KIF6: variants seen among roughly 807,000 people sequenced by gnomAD.
The protein encoded by KIF6 is kinesin family member 6.
Under a neutral mutation model 112.7 loss-of-function variants are expected in KIF6, and 106 were observed. The observed-to-expected ratio is 0.94, with a 90% CI of 0.80 to 1.11. KIF6 has a LOEUF of 1.11. KIF6 is among the 50% of genes least tolerant of loss of function. KIF6 has a pLI of 0.00. For missense variants in KIF6, 929 were observed against 964.0 expected (o/e 0.96, Z 0.48); for synonymous variants, 339 against 339.9 (o/e 1.00, Z 0.03).
chr6:39,504,045 T>G (rs905338745), intron 13 of KIF6, among the ~76,000 whole-genome samples: 3 of 151,630 alleles, frequency 2.0e-5, no homozygotes, highest in Non-Finnish European at 2.9e-5. Flanking sequence ...CTGGCAGAGA[T>G]ACAACAAAAA....
intron 16 of KIF6, among the ~76,000 whole-genome samples, chr6:39,369,001 C>T (rs1013150502): frequency 6.6e-6 from 1 of 152,196 alleles, no homozygotes; most frequent in Non-Finnish European, 1.5e-5. Flanking sequence ...GATTCATTTG[C>T]TGAATACCCA....
chr6:39,446,592 C>T (rs1331343934), intron 13 of KIF6, among the ~76,000 whole-genome samples: 2 of 152,294 alleles, frequency 1.3e-5, no homozygotes, highest in East Asian at 3.9e-4. Context: ...TTCCCAGGTT[C>T]AAGCAATTCT....
chr6:39,346,413 C>G, intron 20 of KIF6, 63 bp downstream of exon 20: 2 of 716,582 alleles, frequency 2.8e-6, no homozygotes, highest in Non-Finnish European at 2.6e-6. Flanking sequence ...TCCCTTGCCC[C>G]TTCCACCATG....
At chr6:39,720,435 T>C (rs1024429436) in intron 2 of KIF6, among the ~76,000 whole-genome samples, 1 of 151,926 alleles carries the variant, frequency 6.6e-6, no homozygotes, top group African/African-American at 2.4e-5. Context: ...CAAGAGTGGG[T>C]TGAGTAGGAA....
At chr6:39,544,745 T>C in intron 11 of KIF6, 52 bp from the exon 12 acceptor site, 1 of 1,152,336 alleles carries the variant, frequency 8.7e-7, no homozygotes, top group South Asian at 1.6e-5. Flanking sequence ...CAAATTTCTT[T>C]GTTTCTTTGA....
chr6:39,650,081 C>G (rs146548244), intron 3 of KIF6, among the ~76,000 whole-genome samples: 1 of 152,208 alleles, frequency 6.6e-6, no homozygotes, highest in African/African-American at 2.4e-5. Flanking sequence ...CTTCCCAGTT[C>G]TATGATTCTC....
chr6:39,342,631 ATTTTT>A lies in KIF6; in HGVS notation c.2428+1073_2428+1077del, dbSNP rs1562108073. ...TTTTTATTTTTTTTTATTTTTTTTT[ATTTTT>A]AGACAAGGAAACTGAGAATGAGACA... On this transcript the variant is annotated intron_variant, in intron 22 of 22. Coordinates refer to ENST00000287152, the MANE Select transcript of KIF6 (RefSeq NM_145027.6). This position sits in a 1 kb window ranked among gnomAD's most constrained non-coding sequence, Gnocchi z 4.7. Among the ~76,000 whole-genome samples, 2 of 94,160 alleles carry A rather than the reference ATTTTT, an allele frequency of 2.1e-5. No individual in the cohort carries two copies. The highest frequency in any genetic ancestry group is 1.1e-4 in the African/African-American group (2 of 18,936). 61.8% of individuals were successfully genotyped at this position (94,160 alleles called of 152,430 possible). A position where few individuals can be genotyped will look rare whatever the true frequency, so the allele number is the denominator to read the frequency against.
chr6:39,486,917 G>A (rs548673794), intron 13 of KIF6, among the ~76,000 whole-genome samples: 4 of 152,260 alleles, frequency 2.6e-5, no homozygotes, highest in South Asian at 4.1e-4. Flanking sequence ...GCATCAGTAA[G>A]TTGAATTATA....
chr6:39,544,529 T>C, intron 12 of KIF6, 26 bp downstream of exon 12: 2 of 1,602,802 alleles, frequency 1.2e-6, no homozygotes, highest in South Asian at 2.3e-5. Flanking sequence ...ATAGAGGAAG[T>C]TTCTTCATCA....
intron 10 of KIF6, among the ~76,000 whole-genome samples, chr6:39,566,961 C>A (rs936489757): frequency 4.6e-5 from 7 of 151,544 alleles, no homozygotes; most frequent in Non-Finnish European, 7.4e-5. Flanking sequence ...TAAAAATAAC[C>A]AAAAAAAATC....
intron 22 of KIF6, among the ~76,000 whole-genome samples, chr6:39,341,412 T>C (rs1184223687): frequency 6.6e-6 from 1 of 152,158 alleles, no homozygotes; most frequent in Non-Finnish European, 1.5e-5. Flanking sequence ...GGCAGTGCCT[T>C]CTCAGCATCT....
chr6:39,524,377 T>C (rs1290453540), intron 13 of KIF6, among the ~76,000 whole-genome samples: 1 of 152,236 alleles, frequency 6.6e-6, no homozygotes, highest in Non-Finnish European at 1.5e-5. Context: ...TAAAGTTATG[T>C]AATTCAGCTA....
chr6:39,510,799 C>G (rs946489782), intron 13 of KIF6, among the ~76,000 whole-genome samples: 1 of 147,366 alleles, frequency 6.8e-6, no homozygotes, highest in African/African-American at 2.5e-5. Context: ...TTCAGGAGAT[C>G]CATCTCATGT....
At chr6:39,654,443 C>A (rs1426292519) in intron 3 of KIF6, among the ~76,000 whole-genome samples, 3 of 152,226 alleles carry the variant, frequency 2.0e-5, no homozygotes, top group East Asian at 3.9e-4. Context: ...TGTCAGGGAC[C>A]TTTCTCCATC....
At chr6:39,700,850 C>A (rs1187764256) in intron 3 of KIF6, among the ~76,000 whole-genome samples, 1 of 152,092 alleles carries the variant, frequency 6.6e-6, no homozygotes, top group Non-Finnish European at 1.5e-5. Context: ...GTAGCTGGGA[C>A]TACAGGCACA....
At chr6:39,507,177 C>T (rs1221716191) in intron 13 of KIF6, among the ~76,000 whole-genome samples, 1 of 152,044 alleles carries the variant, frequency 6.6e-6, no homozygotes, top group Non-Finnish European at 1.5e-5. Context: ...GAAGTGGTGG[C>T]AGTGTTGTGG....
At chr6:39,427,077 G>C (rs778724546) in intron 14 of KIF6, among the ~76,000 whole-genome samples, 1 of 152,210 alleles carries the variant, frequency 6.6e-6, no homozygotes, top group Non-Finnish European at 1.5e-5. Flanking sequence ...GTCCAGGCTG[G>C]TGGGTCCTGG....
chr6:39,613,111 C>A lies in KIF6; in HGVS notation c.639+78G>T, dbSNP rs139043533. On this transcript the variant is annotated intron_variant, in intron 6 of 22. Transcript: ENST00000287152. ...TGTTGGCCCTAAACTTCTATTATAT[C>A]TTTTTTTTTTCTGCCTTGGCTTCAG... 1.8e-4 allele frequency: 196 copies of A among 1,080,084 alleles called. No individual in the cohort carries two copies. The African/African-American group carries it at 2.9e-3, about 16-fold the overall frequency. The allele number at this position is 1,080,084 out of a possible 1,614,324, so 66.9% of individuals were successfully genotyped here. A position where few individuals can be genotyped will look rare whatever the true frequency, so the allele number is the denominator to read the frequency against.
At chr6:39,368,770 C>T (rs1461754165) in intron 16 of KIF6, among the ~76,000 whole-genome samples, 1 of 152,176 alleles carries the variant, frequency 6.6e-6, no homozygotes, top group African/African-American at 2.4e-5. Context: ...ACTAGGAATC[C>T]TAAAGAAGAT....
Sources: allele counts gnomAD v4.1 joint callset (sites outside exome capture counted in the v4.1 genomes callset), GRCh38; gene constraint gnomAD v4.1.1; non-coding constraint Gnocchi (gnomAD v3.1); transcripts MANE v1.5; gene names NCBI Gene and HGNC (gene_info 2026-07-23, HGNC 2026-07-21).